ERBB4: variants seen among roughly 807,000 people sequenced by gnomAD.
ERBB4 encodes erb-b2 receptor tyrosine kinase 4.
A neutral mutation model predicts 158.0 loss-of-function variants in ERBB4; 42 were observed. That is an observed-to-expected ratio of 0.27 (90% CI 0.21 to 0.34). ERBB4 has a LOEUF of 0.34. ERBB4 is among the 10% of genes least tolerant of loss of function. ERBB4 has a pLI of 1.00. For missense variants in ERBB4, 1,333 were observed against 1,624.1 expected, an observed-to-expected ratio of 0.82 and a Z score of 3.08; for synonymous variants, 583 against 558.7, an observed-to-expected ratio of 1.04 and a Z score of -0.61.
chr2:211,678,897 G>C (rs1313744712), intron 13 of ERBB4, among the ~76,000 whole-genome samples, 155 bp downstream of exon 13: 1 of 151,384 alleles, frequency 6.6e-6, no homozygotes, highest in African/African-American at 2.4e-5. Context: ...AACCCAGGAG[G>C]CGGAGCTTGC....
At chr2:212,174,643 C>T (rs1229958432) in intron 1 of ERBB4, among the ~76,000 whole-genome samples, 1 of 151,998 alleles carries the variant, frequency 6.6e-6, no homozygotes, top group Non-Finnish European at 1.5e-5. Context: ...TGAAGCAGTT[C>T]ATCTTTACAC....
intron 3 of ERBB4, among the ~76,000 whole-genome samples, chr2:211,939,963 A>AT (rs1313867562): frequency 1.4e-5 from 2 of 147,042 alleles, no homozygotes; most frequent in African/African-American, 2.6e-5. Context: ...AAAGGAAAAA[A>AT]AAAATATATA....
chr2:211,672,101 A>G (rs972676285), intron 14 of ERBB4, among the ~76,000 whole-genome samples: 2 of 152,206 alleles, frequency 1.3e-5, no homozygotes, highest in Non-Finnish European at 2.9e-5. Context: ...ATAAAGTTCC[A>G]GAGCAGCTCA....
chr2:211,377,050 G>T lies in ERBB4; in HGVS notation c.*6565C>A, dbSNP rs757920395. ...TATCTACATTTAGAAAATAACTTTC[G>T]TAGTTGATTACTGGAGTAATCCCAA... On this transcript the variant is annotated 3_prime_UTR_variant, in exon 28 of 28. Coordinates refer to ENST00000342788, the MANE Select transcript of ERBB4 (RefSeq NM_005235.3). 4.3e-6 allele frequency: 1 copy of T among 232,776 alleles called. No homozygotes were observed. Among genetic ancestry groups the T allele is most frequent in the African/African-American group, 2.2e-5 (1 of 45,264 alleles). 14.4% of individuals were successfully genotyped at this position (232,776 alleles called of 1,614,324 possible).
Position 212,046,191 on chromosome 2 carries a change from C to G in ERBB4, c.234+78561G>C, listed in dbSNP as rs367839899. 6.6e-5 allele frequency among the ~76,000 whole-genome samples: 10 copies of G among 152,168 alleles called. No individual in the cohort carries two copies. In the East Asian group the frequency reaches 1.2e-3, roughly 18 times the overall value. On this transcript the variant is annotated intron_variant, in intron 2 of 27. Coordinates refer to ENST00000342788, the MANE Select transcript of ERBB4 (RefSeq NM_005235.3). ...ATGCGAAATCTAAAAATGGAGAGAC[C>G]TAATTTTTTATGAGACATAATAAAA...
intron 20 of ERBB4, among the ~76,000 whole-genome samples, chr2:211,504,289 C>T (rs1261074308): frequency 6.6e-6 from 1 of 152,034 alleles, no homozygotes; most frequent in Non-Finnish European, 1.5e-5. Flanking sequence ...CACACCACTA[C>T]TAAAACCTAC....
At chr2:212,456,643 GAACT>G (rs1169101424) in intron 1 of ERBB4, among the ~76,000 whole-genome samples, 3 of 151,712 alleles carry the variant, frequency 2.0e-5, no homozygotes, top group Non-Finnish European at 4.4e-5. Flanking sequence ...TTTAAATGTA[GAACT>G]AACTCATGAT....
chr2:211,673,887 C>A lies in ERBB4; in HGVS notation c.1623-630G>T, dbSNP rs1291348884. Among the ~76,000 whole-genome samples, 3 of 151,974 alleles carry A rather than the reference C, an allele frequency of 2.0e-5. No individual in the cohort carries two copies. In the East Asian group the frequency reaches 5.8e-4, roughly 29 times the overall value. On this transcript the variant is annotated intron_variant, in intron 13 of 27. Transcript: ENST00000342788. ...ACAACATCTTTTTGTAGTCTAAATT[C>A]TTTTTGAAGTAATTCTATAGGTATA...
At chr2:212,269,770 A>T (rs574317296) in intron 1 of ERBB4, among the ~76,000 whole-genome samples, 1 of 151,914 alleles carries the variant, frequency 6.6e-6, no homozygotes, top group South Asian at 2.1e-4. Flanking sequence ...AGGAAGAAAT[A>T]TCACAACTTT....
At chr2:212,460,994 A>G (rs1029740552) in intron 1 of ERBB4, among the ~76,000 whole-genome samples, 1 of 152,136 alleles carries the variant, frequency 6.6e-6, no homozygotes, top group African/African-American at 2.4e-5. Flanking sequence ...AGCTGCTACA[A>G]TCATGGCTGA....
At chr2:211,835,217 T>C (rs2077313824) in intron 3 of ERBB4, among the ~76,000 whole-genome samples, 1 of 152,126 alleles carries the variant, frequency 6.6e-6, no homozygotes, top group African/African-American at 2.4e-5. Context: ...ACTTCAGCTC[T>C]TCAAAAGTTA....
chr2:211,560,627 T>C (rs376507499), intron 20 of ERBB4, among the ~76,000 whole-genome samples: 12 of 152,296 alleles, frequency 7.9e-5, no homozygotes, highest in East Asian at 7.7e-4. Flanking sequence ...ATAAGTTCTA[T>C]TGCATATTTA....
intron 1 of ERBB4, among the ~76,000 whole-genome samples, chr2:212,239,847 C>A (rs1024625652): frequency 1.3e-5 from 2 of 151,970 alleles, no homozygotes; most frequent in Non-Finnish European, 2.9e-5. Flanking sequence ...GAACTCTAAT[C>A]CTAAAGGAAT....
At chr2:212,102,893 G>A (rs1178645729) in intron 2 of ERBB4, among the ~76,000 whole-genome samples, 1 of 151,988 alleles carries the variant, frequency 6.6e-6, no homozygotes, top group Non-Finnish European at 1.5e-5. Context: ...CTCTCAAACT[G>A]CAATAACTTT....
chr2:212,183,430 C>A (rs995794362), intron 1 of ERBB4, among the ~76,000 whole-genome samples: 3 of 151,998 alleles, frequency 2.0e-5, no homozygotes, highest in African/African-American at 7.2e-5. Context: ...CAAACAATAG[C>A]AATGTTCCTG....
rs139424524 is a variant in ERBB4 at position 211,781,568 on chromosome 2, C to T, written c.556+6457G>A. Among the ~76,000 whole-genome samples the T allele has an allele frequency of 1.5e-3, 221 of 152,162 alleles. 4 individuals are homozygous for T. The East Asian group carries it at 0.039, about 27-fold the overall frequency. On this transcript the variant is annotated intron_variant, in intron 4 of 27. Transcript: ENST00000342788. Reference sequence around the variant, plus strand: ...AGACAACCTTCTAGTTACTAAAACACACTTAAAATGTAGAAACATAGTTAA... The same window carrying T: ...AGACAACCTTCTAGTTACTAAAACATACTTAAAATGTAGAAACATAGTTAA...
chr2:211,858,413 T>G (rs770285890), intron 3 of ERBB4, among the ~76,000 whole-genome samples: 18 of 152,174 alleles, frequency 1.2e-4, no homozygotes, highest in Non-Finnish European at 2.2e-4. Context: ...AATCTGAAAT[T>G]TAAAGCTTAT....
At chr2:212,233,139 A>ACTT (rs1290968634) in intron 1 of ERBB4, among the ~76,000 whole-genome samples, 1 of 152,148 alleles carries the variant, frequency 6.6e-6, no homozygotes, top group African/African-American at 2.4e-5. Context: ...TTTGAGATCC[A>ACTT]CTTTTAAGAA....
intron 20 of ERBB4, among the ~76,000 whole-genome samples, chr2:211,458,162 T>C (rs10221842): frequency 4.5e-4 from 64 of 141,732 alleles, no homozygotes; most frequent in African/African-American, 1.4e-3. Context: ...CTGTTGACAC[T>C]GAGGTCACAA....
Sources: allele counts gnomAD v4.1 joint callset (sites outside exome capture counted in the v4.1 genomes callset), GRCh38; gene constraint gnomAD v4.1.1; transcripts MANE v1.5; gene names NCBI Gene and HGNC (gene_info 2026-07-23, HGNC 2026-07-21).